The following SLC22A5 variants were observed in gnomAD, a reference collection of about 807,000 sequenced individuals.
SLC22A5 encodes organic cation/carnitine transporter 2.
A neutral mutation model predicts 56.7 loss-of-function variants in SLC22A5; 44 were observed. The ratio of observed to expected loss-of-function variants is 0.78; its 90% confidence interval spans 0.61 to 1.00. The LOEUF (loss-of-function observed/expected upper bound fraction) is 1.00, where lower values mean the gene tolerates loss of function less well. Ranked by LOEUF, SLC22A5 falls within the 50% of genes least tolerant of loss-of-function variation. The pLI, the probability that SLC22A5 is intolerant of heterozygous loss-of-function variation, is 0.00. For synonymous variants in SLC22A5, 278 were observed against 292.1 expected (o/e 0.95, Z 0.49); for missense variants, 675 against 723.0 (o/e 0.93, Z 0.76).
At chr5:132,390,169 C>T (rs1368152048) in intron 6 of SLC22A5, 1 of 203,664 alleles carries the variant, frequency 4.9e-6, no homozygotes, top group Non-Finnish European at 1.0e-5. Flanking sequence ...GGGCTGGTGT[C>T]AGCTGTCTCT....
At chr5:132,392,755 C>T (rs1364040399) in intron 8 of SLC22A5, 140 bp downstream of exon 8, 22 of 759,674 alleles carry the variant, frequency 2.9e-5, no homozygotes, top group Middle Eastern at 3.5e-4. Flanking sequence ...GATCTTTGGC[C>T]GGGAAGGGTT....
In SLC22A5 at chr5:132,370,247, T is replaced by C; in HGVS notation, c.275T>C (p.Phe92Ser). 1 of 1,577,524 alleles carries C rather than the reference T, an allele frequency of 6.3e-7. No individual in the cohort carries two copies. ...TACCGGCTCGCCACCATCGCCAACT[T>C]CTCGGCGCTTGGGCTGGAGCCGGGG... ...RRYRLATIAN[F>S]SALGLEPGRD... The change falls in exon 1 of 10, where the codon TTC (phenylalanine) becomes TCC (serine). Residue 92 changes from phenylalanine to serine, a missense_variant. Transcript: ENST00000245407.
At chr5:132,386,965 T>TGG in intron 4 of SLC22A5, 60 bp from the exon 5 acceptor site, 1 of 1,591,542 alleles carries the variant, frequency 6.3e-7, no homozygotes, top group South Asian at 1.1e-5. Context: ...GTGCTCTACC[T>TGG]GGTCTGTGGG....
chr5:132,372,712 C>T (rs746327314), intron 1 of SLC22A5, among the ~76,000 whole-genome samples: 2 of 152,196 alleles, frequency 1.3e-5, no homozygotes, highest in Non-Finnish European at 2.9e-5. Context: ...TTTTGGGCTA[C>T]TGGAATGCTT....
At chr5:132,370,951 G>GTTTTTTTTT (rs757040799) in intron 1 of SLC22A5, among the ~76,000 whole-genome samples, 3 of 101,124 alleles carry the variant, frequency 3.0e-5, no homozygotes, top group Non-Finnish European at 4.3e-5. Flanking sequence ...TCAGTTGTCA[G>GTTTTTTTTT]TCTTTTTTTT....
rs755114089 is a variant in SLC22A5, at chr5:132,387,092, C to T, written c.892C>T (p.Arg298Cys). The change falls in exon 5 of 10, where the codon CGC (arginine) becomes TGC (cysteine). Residue 298 changes from arginine (R) to cysteine (C), a missense_variant. Transcript: ENST00000245407. ...GRFEEAEVIIRKAAKANGIVV... is the reference protein window; with the variant it reads ...GRFEEAEVIICKAAKANGIVV... ...ATTTGAAGAGGCAGAGGTGATCATC[C>T]GCAAGGCTGCCAAAGCCAATGGGAT... The T allele has an allele frequency of 5.4e-5, 87 of 1,614,014 alleles. No homozygotes were observed. Among genetic ancestry groups the T allele is most frequent in the Non-Finnish European group, 6.6e-5 (78 of 1,180,012 alleles).
chr5:132,377,857 C>G (rs969131610), intron 1 of SLC22A5: 150 of 373,996 alleles, frequency 4.0e-4, no homozygotes, highest in Non-Finnish European at 5.5e-4. Context: ...CAAAAAGGAC[C>G]CGGGGGTCAT....
At chr5:132,371,430 C>T (rs1751924163) in intron 1 of SLC22A5, among the ~76,000 whole-genome samples, 1 of 152,108 alleles carries the variant, frequency 6.6e-6, no homozygotes, top group African/African-American at 2.4e-5. Context: ...TTCTCATCCC[C>T]TTGGATTTTC....
At chr5:132,389,490 G>A (rs1406442411) in intron 6 of SLC22A5, 3 of 234,992 alleles carry the variant, frequency 1.3e-5, no homozygotes, top group Admixed American at 5.1e-5. Context: ...TGGAGTCAGG[G>A]CTATAGCCTA....
Position 132,388,989 on chromosome 5 carries a change from C to T in SLC22A5, c.1020C>T (p.Ile340=). ...NILDLLRTWN[I]RMVTIMSIML... Reference sequence around the variant, plus strand: ...TGGATCTGCTTCGAACCTGGAATATCCGGATGGTCACCATCATGTCCATAA... The same window carrying T: ...TGGATCTGCTTCGAACCTGGAATATTCGGATGGTCACCATCATGTCCATAA... The change falls in exon 6 of 10, where the codon ATC becomes ATT. Residue 340 remains isoleucine (I), a synonymous_variant. Transcript: ENST00000245407. 6.2e-7 allele frequency: 1 copy of T among 1,613,542 alleles called. No homozygotes were observed. Among genetic ancestry groups the T allele is most frequent in the Non-Finnish European group, 8.5e-7 (1 of 1,179,462 alleles).
chr5:132,375,601 C>T (rs1752115266), intron 1 of SLC22A5, among the ~76,000 whole-genome samples: 2 of 152,208 alleles, frequency 1.3e-5, no homozygotes, highest in South Asian at 4.1e-4. Flanking sequence ...ATAGGAGACA[C>T]AATTCTCCCT....
chr5:132,384,168 G>T lies in SLC22A5; in HGVS notation c.519G>T (p.Leu173=). ...LSDRFGRKNV[L]FVTMGMQTGF... is the part of the protein sequence containing the mutation. Reference sequence around the variant, plus strand: ...CCAGGTTTGGCCGGAAGAATGTGCTGTTCGTGACCATGGGCATGCAGACAG... The same window carrying T: ...CCAGGTTTGGCCGGAAGAATGTGCTTTTCGTGACCATGGGCATGCAGACAG... Residue 173 remains leucine (L), a synonymous_variant, in exon 3 of 10, where the codon CTG becomes CTT. Coordinates refer to ENST00000245407, the MANE Select transcript of SLC22A5 (RefSeq NM_003060.4). The T allele has an allele frequency of 1.2e-6, 2 of 1,614,246 alleles. No homozygotes were observed. Among genetic ancestry groups the T allele is most frequent in the Non-Finnish European group, 1.7e-6 (2 of 1,180,048 alleles).
At chr5:132,392,262 T>G (rs1448854818) in intron 7 of SLC22A5, among the ~76,000 whole-genome samples, 171 bp from the exon 8 acceptor site, 1 of 152,196 alleles carries the variant, frequency 6.6e-6, no homozygotes, top group Non-Finnish European at 1.5e-5. Flanking sequence ...CAGCCTCCTT[T>G]CAGCAATCAA....
intron 1 of SLC22A5, among the ~76,000 whole-genome samples, chr5:132,371,374 A>G (rs912450853): frequency 5.3e-5 from 8 of 152,150 alleles, no homozygotes; most frequent in African/African-American, 1.9e-4. Flanking sequence ...AGATTTAGTT[A>G]AAGCATACAG....
chr5:132,393,387 G>C (rs1171719508), intron 8 of SLC22A5, among the ~76,000 whole-genome samples: 1 of 152,156 alleles, frequency 6.6e-6, no homozygotes, highest in Non-Finnish European at 1.5e-5. Context: ...AATCAGCATG[G>C]CCCAGAAATA....
rs751129547 is a variant in SLC22A5 at position 132,370,016 on chromosome 5, G to A, written c.44G>A (p.Gly15Glu). 4.3e-6 allele frequency: 7 copies of A among 1,613,304 alleles called. No homozygotes were observed. The South Asian group carries it at 6.6e-5, about 15-fold the overall frequency. The change falls in exon 1 of 10, where the codon GGG (glycine) becomes GAG (glutamate). Residue 15 changes from glycine (G) to glutamate (E), a missense_variant. By Grantham distance (98) the Gly-to-Glu change is moderately conservative (BLOSUM62 -2). Transcript: ENST00000245407. ...DEVTAFLGEW[G>E]PFQRLIFFLL... is the part of the protein sequence containing the mutation. ...GTGACCGCCTTCCTGGGCGAGTGGG[G>A]GCCCTTCCAGCGCCTCATCTTCTTC...
chr5:132,375,068 A>G (rs1216064890), intron 1 of SLC22A5, among the ~76,000 whole-genome samples: 2 of 152,186 alleles, frequency 1.3e-5, no homozygotes, highest in Non-Finnish European at 2.9e-5. Flanking sequence ...GAAAAAAAAG[A>G]GTATTCTGGA....
At chr5:132,388,627 T>C (rs1303762772) in intron 5 of SLC22A5, among the ~76,000 whole-genome samples, 1 of 152,056 alleles carries the variant, frequency 6.6e-6, no homozygotes, top group Non-Finnish European at 1.5e-5. Context: ...CCGACAGGAA[T>C]ATGTGGGGGT....
chr5:132,372,444 G>A (rs1375796753), intron 1 of SLC22A5, among the ~76,000 whole-genome samples: 3 of 152,156 alleles, frequency 2.0e-5, no homozygotes, highest in Non-Finnish European at 4.4e-5. Flanking sequence ...GGGTTCCCCG[G>A]CTTACTCTAG....
Sources: allele counts gnomAD v4.1 joint callset (sites outside exome capture counted in the v4.1 genomes callset), GRCh38; gene constraint gnomAD v4.1.1; transcripts MANE v1.5; gene names NCBI Gene and HGNC (gene_info 2026-07-23, HGNC 2026-07-21).